ZNF680: variants seen among roughly 807,000 people sequenced by gnomAD.
ZNF680 encodes hypothetical protein FLJ90430.
A neutral mutation model predicts 12.1 loss-of-function variants in ZNF680; 6 were observed. The observed-to-expected ratio is 0.49, with a 90% confidence interval of 0.27 to 0.98. The LOEUF is 0.98. ZNF680 is among the 50% of genes least tolerant of loss of function. ZNF680 has a pLI of 0.12. For synonymous variants in ZNF680, 170 were observed against 199.3 expected, an observed-to-expected ratio of 0.85 and a Z score of 1.24; for missense variants, 561 against 616.3, an observed-to-expected ratio of 0.91 and a Z score of 0.95.
the ZNF680 span, among the ~76,000 whole-genome samples, chr7:64,510,478 G>C: frequency 1.3e-5 from 2 of 151,890 alleles, no homozygotes; most frequent in South Asian, 2.1e-4. Context: ...GCAAAAACAG[G>C]CTGTTTCCAA....
chr7:64,504,701 G>A, the ZNF680 span, among the ~76,000 whole-genome samples: 34,300 of 152,078 alleles, frequency 0.23, 4,057 homozygotes, highest in South Asian at 0.28. Flanking sequence ...CAAAGACACA[G>A]AAAAAGGTGC....
downstream of ZNF680, among the ~76,000 whole-genome samples, chr7:64,515,258 AGTT>A (rs1365860498): frequency 6.6e-6 from 1 of 151,136 alleles, no homozygotes; most frequent in Non-Finnish European, 1.5e-5. Context: ...ACAACAATAT[AGTT>A]GTTTGCATCA....
chr7:64,524,295 C>A (rs1284502838), intron 3 of ZNF680, among the ~76,000 whole-genome samples: 1 of 151,656 alleles, frequency 6.6e-6, no homozygotes, highest in Non-Finnish European at 1.5e-5. Context: ...TTACAGGCAC[C>A]CACCACCATA....
chr7:64,517,400 A>G (rs1364369426), downstream of ZNF680, among the ~76,000 whole-genome samples: 1 of 152,074 alleles, frequency 6.6e-6, no homozygotes, highest in East Asian at 1.9e-4. Flanking sequence ...AAATCGGGAA[A>G]AATCAGAAAC....
At position 64,544,034 on chromosome 7, in the gene ZNF680, G is replaced by C. The variant is rs966048230; in HGVS notation, c.158-232C>G. On this transcript the variant is annotated intron_variant, in intron 2 of 3. Transcript: ENST00000309683. Reference sequence around the variant, plus strand: ...TTGGTGGGGGCAATTAAATTTTAAGGTGTGGGCAACAACATTTTATGCCAT... The same window carrying C: ...TTGGTGGGGGCAATTAAATTTTAAGCTGTGGGCAACAACATTTTATGCCAT... 6.7e-6 allele frequency: 4 copies of C among 597,714 alleles called. No individual in the cohort carries two copies. In the African/African-American group the frequency reaches 7.5e-5, roughly 11 times the overall value. The allele number at this position is 597,714 out of a possible 1,614,324, so 37.0% of individuals were successfully genotyped here. A position where few individuals can be genotyped will look rare whatever the true frequency, so the allele number is the denominator to read the frequency against.
chr7:64,511,951 C>T, the ZNF680 span, among the ~76,000 whole-genome samples: 2 of 151,176 alleles, frequency 1.3e-5, no homozygotes, highest in East Asian at 2.0e-4. Flanking sequence ...CCCAGCTACT[C>T]GGGAGGCTGA....
rs942377195 is a variant in ZNF680 at position 64,522,355 on chromosome 7, C to G, written c.399G>C (p.Lys133Asn). 6.2e-7 allele frequency: 1 copy of G among 1,612,972 alleles called. No individual in the cohort carries two copies. Among genetic ancestry groups the G allele is most frequent in the Non-Finnish European group, 8.5e-7 (1 of 1,179,448 alleles). ...RISCKSVDESKVFKEGYNELN... is the reference protein window; with the variant it reads ...RISCKSVDESNVFKEGYNELN... The stretch of plus-strand genomic sequence containing the variant: ...GTTCATTATAACCTTCTTTGAACAC[C>G]TTAGACTCATCCACACTTTTACAAC... The change falls in exon 4 of 4, where the codon AAG becomes AAC. Residue 133 changes from lysine (K) to asparagine (N), a missense_variant. By Grantham distance (94) the Lys-to-Asn change is moderately conservative (BLOSUM62 0). Coordinates refer to ENST00000309683, the MANE Select transcript of ZNF680 (RefSeq NM_178558.5).
At chr7:64,552,348 C>T (rs761685945) in intron 1 of ZNF680, among the ~76,000 whole-genome samples, 6 of 152,102 alleles carry the variant, frequency 3.9e-5, no homozygotes, top group African/African-American at 9.7e-5. Flanking sequence ...CCACTGTGCT[C>T]GGTCACCACC....
rs776257055 is a variant in ZNF680, at chr7:64,531,465, C to T, written c.254-8965G>A. Reference sequence around the variant, plus strand: ...CAAAAAAATTAGCCAGGCATGGTGGCGGGTGCCTGTAGTCCCAGCTACTCG... The same window carrying T: ...CAAAAAAATTAGCCAGGCATGGTGGTGGGTGCCTGTAGTCCCAGCTACTCG... On this transcript the variant is annotated intron_variant, in intron 3 of 3. Coordinates refer to ENST00000309683, the MANE Select transcript of ZNF680 (RefSeq NM_178558.5). Among the ~76,000 whole-genome samples the T allele has an allele frequency of 2.0e-5, 3 of 151,814 alleles. No individual in the cohort carries two copies. The East Asian group carries it at 5.8e-4, about 30-fold the overall frequency.
the ZNF680 span, among the ~76,000 whole-genome samples, chr7:64,514,855 C>A: frequency 3.3e-5 from 5 of 152,154 alleles, no homozygotes; most frequent in African/African-American, 1.2e-4. Context: ...ACCATCCTGA[C>A]CAACATGGAG....
At chr7:64,529,067 G>A (rs1584359802) in intron 3 of ZNF680, among the ~76,000 whole-genome samples, 1 of 152,232 alleles carries the variant, frequency 6.6e-6, no homozygotes, top group African/African-American at 2.4e-5. Context: ...ATACCTAGAA[G>A]GGAGATAACA....
rs201613605 is a variant in ZNF680, at chr7:64,562,911, G to A, written c.30+14C>T. On this transcript the variant is annotated intron_variant, in intron 1 of 3. Coordinates refer to ENST00000309683, the MANE Select transcript of ZNF680 (RefSeq NM_178558.5). ...CCCCTCCCCCTCTCTCGGGGTGTCG[G>A]ACCGCACTCTCACCATTTCTAGGCT... The A allele has an allele frequency of 1.2e-6, 2 of 1,613,446 alleles. No individual in the cohort carries two copies. Among genetic ancestry groups the A allele is most frequent in the East Asian group, 2.2e-5 (1 of 44,872 alleles).
intron 3 of ZNF680, chr7:64,525,353 C>G (rs1409197516): frequency 6.6e-6 from 1 of 151,608 alleles, no homozygotes; most frequent in African/African-American, 2.4e-5. Context: ...TAGATATAAT[C>G]TAAAATACAA....
chr7:64,525,981 C>T (rs1289280392), intron 3 of ZNF680: 1 of 985,208 alleles, frequency 1.0e-6, no homozygotes, highest in Non-Finnish European at 1.2e-6. Context: ...CTTTGTTCCA[C>T]ACTGTCTTAA....
Position 64,521,098 on chromosome 7 carries a change from G to C in ZNF680, c.*63C>G. The C allele has an allele frequency of 6.8e-7, 1 of 1,477,318 alleles. No individual in the cohort carries two copies. Among genetic ancestry groups the C allele is most frequent in the Non-Finnish European group, 9.1e-7 (1 of 1,097,174 alleles). The allele number at this position is 1,477,318 out of a possible 1,614,324, so 91.5% of individuals were successfully genotyped here. On this transcript the variant is annotated 3_prime_UTR_variant, in exon 4 of 4. Transcript: ENST00000309683. ...AGTGTAACAATCATTGGAAGGCTTTGTCAAATTCTTCACATTTTTAGGGTT... is the reference window on the plus strand; with the variant it reads ...AGTGTAACAATCATTGGAAGGCTTTCTCAAATTCTTCACATTTTTAGGGTT...
At chr7:64,554,467 G>A (rs936360378) in intron 1 of ZNF680, among the ~76,000 whole-genome samples, 1 of 152,148 alleles carries the variant, frequency 6.6e-6, no homozygotes, top group African/African-American at 2.4e-5. Flanking sequence ...GGGCGCCTCT[G>A]ACCGGCTGCC....
Position 64,557,245 on chromosome 7 carries a change from T to G in ZNF680, c.30+5680A>C, listed in dbSNP as rs373061852. 2.2e-5 allele frequency among the ~76,000 whole-genome samples: 3 copies of G among 133,348 alleles called. No individual in the cohort carries two copies. The South Asian group carries it at 7.3e-4, about 32-fold the overall frequency. The allele number at this position is 133,348 out of a possible 152,430, so 87.5% of individuals were successfully genotyped here. Reference sequence around the variant, plus strand: ...CAGACTGGGCGACAGAGCGAGACACTGTCTCAAAAAAAAAAAAAATTTACC... The same window carrying G: ...CAGACTGGGCGACAGAGCGAGACACGGTCTCAAAAAAAAAAAAAATTTACC... On this transcript the variant is annotated intron_variant, in intron 1 of 3. Transcript: ENST00000309683.
chr7:64,548,625 G>A (rs1786902985), intron 1 of ZNF680, among the ~76,000 whole-genome samples: 1 of 152,058 alleles, frequency 6.6e-6, no homozygotes, highest in Admixed American at 6.6e-5. Context: ...TTGTATGAGG[G>A]GAGGAACAAA....
At chr7:64,555,570 AAC>A (rs1787365191) in intron 1 of ZNF680, among the ~76,000 whole-genome samples, 1 of 152,064 alleles carries the variant, frequency 6.6e-6, no homozygotes, top group Non-Finnish European at 1.5e-5. Flanking sequence ...ATCTCAATTT[AAC>A]AACCTAACAT....
Sources: gnomAD v4.1 joint callset for allele counts (sites outside exome capture counted in the v4.1 genomes callset) on GRCh38, gnomAD v4.1.1 for gene constraint, MANE v1.5 for transcripts, NCBI Gene and HGNC (gene_info 2026-07-23, HGNC 2026-07-21) for gene names.